Variants in VWC2L observed in about 807,000 individuals in gnomAD.
VWC2L encodes the protein von Willebrand factor C domain-containing protein 2-like.
Under a neutral mutation model 21.6 loss-of-function variants are expected in VWC2L, and 10 were observed. The observed-to-expected ratio is 0.46, with a 90% CI of 0.29 to 0.78. The LOEUF (loss-of-function observed/expected upper bound fraction) is 0.78, where lower values mean the gene tolerates loss of function less well. Among genes scored for constraint, VWC2L ranks in the 30% least tolerant of loss-of-function variants. The probability of loss-of-function intolerance (pLI) is 0.10; values close to 1 mark genes in which losing one functional copy is unlikely to be tolerated. For missense variants in VWC2L, 209 were observed against 277.1 expected, an observed-to-expected ratio of 0.75 and a Z score of 1.74; for synonymous variants, 96 against 94.3, an observed-to-expected ratio of 1.02 and a Z score of -0.10.
intron 1 of VWC2L, among the ~76,000 whole-genome samples, chr2:214,412,134 A>ATGTT (rs1324842721): frequency 6.6e-6 from 1 of 152,108 alleles, no homozygotes. Context: ...AACATATTTA[A>ATGTT]TGTTTATATA....
intron 3 of VWC2L, among the ~76,000 whole-genome samples, chr2:214,523,310 G>A (rs575235086): frequency 6.6e-6 from 1 of 152,264 alleles, no homozygotes; most frequent in South Asian, 2.1e-4. Context: ...AAAACAGTCT[G>A]CAAATCTGAT....
intron 3 of VWC2L, among the ~76,000 whole-genome samples, chr2:214,501,534 C>T (rs1040863732): frequency 1.3e-5 from 2 of 151,972 alleles, no homozygotes; most frequent in Non-Finnish European, 2.9e-5. Context: ...CCAGCCTGGC[C>T]AACATGGTGA....
At chr2:214,555,514 G>A (rs1000456806) in intron 3 of VWC2L, among the ~76,000 whole-genome samples, 59 of 152,020 alleles carry the variant, frequency 3.9e-4, no homozygotes, top group Admixed American at 3.7e-3. Context: ...TGCTATCTCT[G>A]GCACATATGA....
At chr2:214,488,933 A>AGGTG (rs1429705775) in intron 3 of VWC2L, among the ~76,000 whole-genome samples, 1 of 152,202 alleles carries the variant, frequency 6.6e-6, no homozygotes, top group Non-Finnish European at 1.5e-5. Flanking sequence ...TCGTTCATGA[A>AGGTG]GGATCCACCC....
rs1294784635 is a variant in VWC2L, at chr2:214,411,674, A to G, written c.-193A>G. ...GGATTGCCTTTAATTCATGCCTAAA[A>G]AATGTATTCTTTGGGTAATTAAAGA... is the stretch of plus-strand genomic sequence containing the variant. On this transcript the variant is annotated 5_prime_UTR_variant, in exon 1 of 4. Transcript: ENST00000312504. 6.6e-6 allele frequency: 1 copy of G among 152,214 alleles called. No individual in the cohort carries two copies. The highest frequency in any genetic ancestry group is 1.5e-5 in the Non-Finnish European group (1 of 68,050). 9.4% of individuals were successfully genotyped at this position (152,214 alleles called of 1,614,324 possible). A position where few individuals can be genotyped will look rare whatever the true frequency, so the allele number is the denominator to read the frequency against.
intron 3 of VWC2L, among the ~76,000 whole-genome samples, chr2:214,516,720 G>A (rs141454927): frequency 5.9e-4 from 89 of 152,056 alleles, no homozygotes; most frequent in African/African-American, 2.0e-3. Context: ...TGCAACCAGA[G>A]GGTCTTCTTT....
intron 3 of VWC2L, among the ~76,000 whole-genome samples, chr2:214,443,756 A>G (rs1274504981): frequency 6.6e-6 from 1 of 152,190 alleles, no homozygotes; most frequent in Admixed American, 6.5e-5. Context: ...TTCCCGATAA[A>G]GTCAGGAATA....
At chr2:214,455,921 A>AG (rs1295242510) in intron 3 of VWC2L, among the ~76,000 whole-genome samples, 2 of 152,076 alleles carry the variant, frequency 1.3e-5, no homozygotes, top group African/African-American at 4.8e-5. Flanking sequence ...CAGATACCAC[A>AG]TTTTCTTTAT....
At chr2:214,495,466 A>T (rs1688798680) in intron 3 of VWC2L, among the ~76,000 whole-genome samples, 1 of 152,178 alleles carries the variant, frequency 6.6e-6, no homozygotes, top group South Asian at 2.1e-4. Flanking sequence ...ACTTGCCAAG[A>T]TAATAAATCC....
intron 3 of VWC2L, among the ~76,000 whole-genome samples, chr2:214,488,119 A>T (rs75250861): frequency 6.6e-6 from 1 of 152,014 alleles, no homozygotes; most frequent in African/African-American, 2.4e-5. Flanking sequence ...CACCAATTCT[A>T]TCCTCTCCTC....
chr2:214,498,959 G>A (rs2126204880), intron 3 of VWC2L, among the ~76,000 whole-genome samples: 1 of 150,488 alleles, frequency 6.6e-6, no homozygotes, highest in Non-Finnish European at 1.5e-5. Context: ...CAACATAGAG[G>A]GGATTTATGG....
intron 3 of VWC2L, among the ~76,000 whole-genome samples, chr2:214,450,672 G>A (rs1275002772): frequency 6.6e-6 from 1 of 152,170 alleles, no homozygotes; most frequent in East Asian, 1.9e-4. Context: ...CCAGGGAATA[G>A]AGGGCTCCTG....
rs551080119 is a variant in VWC2L at position 214,421,167 on chromosome 2, T to C, written c.390+6584T>C. 9.2e-5 allele frequency among the ~76,000 whole-genome samples: 14 copies of C among 152,350 alleles called. 1 individual carries two copies. Among genetic ancestry groups the C allele is most frequent in the South Asian group, 8.3e-4 (4 of 4,820 alleles). On this transcript the variant is annotated intron_variant, in intron 2 of 3. Transcript: ENST00000312504. ...GCACCCACAAAAGTACACTAAAAGTTTTTTGCACTCACAGAAGTACATGAA... is the reference window on the plus strand; with the variant it reads ...GCACCCACAAAAGTACACTAAAAGTCTTTTGCACTCACAGAAGTACATGAA...
chr2:214,556,635 G>A (rs1325370370), intron 3 of VWC2L, among the ~76,000 whole-genome samples: 8 of 152,078 alleles, frequency 5.3e-5, no homozygotes, highest in Non-Finnish European at 1.2e-4. Flanking sequence ...AACAGAGCTC[G>A]GTAATGTTAT....
intron 3 of VWC2L, chr2:214,525,398 A>T (rs1689317433): frequency 6.6e-6 from 1 of 152,188 alleles, no homozygotes; most frequent in South Asian, 2.1e-4. Context: ...AATGTGTTCT[A>T]CAAAAATTAG....
chr2:214,423,120 TG>T (rs1646069703), intron 2 of VWC2L, among the ~76,000 whole-genome samples: 1 of 152,186 alleles, frequency 6.6e-6, no homozygotes, highest in Admixed American at 6.5e-5. Flanking sequence ...AAATAATTTT[TG>T]TTTTAGTATT....
chr2:214,554,332 A>T (rs1689841690), intron 3 of VWC2L, among the ~76,000 whole-genome samples: 1 of 152,290 alleles, frequency 6.6e-6, no homozygotes, highest in Admixed American at 6.5e-5. Flanking sequence ...AGAATATTCC[A>T]AAGTAAGCCT....
intron 3 of VWC2L, among the ~76,000 whole-genome samples, chr2:214,471,977 C>T (rs1273800708): frequency 1.3e-5 from 2 of 152,052 alleles, no homozygotes; most frequent in Admixed American, 6.6e-5. Flanking sequence ...TCTGAGAGAA[C>T]CTAAATTTTT....
chr2:214,525,462 A>G (rs1340123935), intron 3 of VWC2L: 1 of 152,204 alleles, frequency 6.6e-6, no homozygotes, highest in African/African-American at 2.4e-5. Flanking sequence ...AGTTTGGGAA[A>G]TGCTGGATTT....
Sources: gnomAD v4.1 joint callset for allele counts (sites outside exome capture counted in the v4.1 genomes callset) on GRCh38, gnomAD v4.1.1 for gene constraint, MANE v1.5 for transcripts, NCBI Gene and HGNC (gene_info 2026-07-23, HGNC 2026-07-21) for gene names.